BIK: variants seen among roughly 807,000 people sequenced by gnomAD.
BIK encodes BCL2 interacting killer.
BIK carries 14 observed loss-of-function variants against 12.1 expected under a neutral mutation model. That is an observed-to-expected ratio of 1.16 (90% CI 0.77 to 1.81). The LOEUF is 1.81. Ranked by LOEUF, BIK falls within the 40% of genes most tolerant of loss-of-function variation. The probability of loss-of-function intolerance (pLI) is 0.00; values close to 1 mark genes in which losing one functional copy is unlikely to be tolerated. For synonymous variants in BIK, 86 were observed against 92.3 expected (o/e 0.93, Z 0.39); for missense variants, 215 against 207.9 (o/e 1.03, Z -0.21).
chr22:43,118,581 C>A (rs1019147297), intron 1 of BIK, among the ~76,000 whole-genome samples: 1 of 152,136 alleles, frequency 6.6e-6, no homozygotes, highest in African/African-American at 2.4e-5. Context: ...TGCCACCCCA[C>A]CCTCATGGTC....
At chr22:43,127,478 G>A (rs1346073703) in intron 2 of BIK, among the ~76,000 whole-genome samples, 1 of 152,184 alleles carries the variant, frequency 6.6e-6, no homozygotes, top group Non-Finnish European at 1.5e-5. Flanking sequence ...TTGCACCTCT[G>A]GGGCCACCCA....
At chr22:43,113,900 G>A (rs954434972) in intron 1 of BIK, among the ~76,000 whole-genome samples, 1 of 152,216 alleles carries the variant, frequency 6.6e-6, no homozygotes, top group Non-Finnish European at 1.5e-5. Flanking sequence ...CTTACTGTTG[G>A]TGGTCACCAG....
rs4988385 is a variant in BIK, at chr22:43,118,874, G to C, written c.-7-5142G>C. Among the ~76,000 whole-genome samples, 3 of 152,016 alleles carry C rather than the reference G, an allele frequency of 2.0e-5. No individual in the cohort carries two copies. In the East Asian group the frequency reaches 5.8e-4, roughly 29 times the overall value. The stretch of plus-strand genomic sequence containing the variant: ...CCCGCTCTGACACTCCTGCAGCCTC[G>C]GCCCTCGAACACCTGCTGAGGGCTG... On this transcript the variant is annotated intron_variant, in intron 1 of 4. Coordinates refer to ENST00000216115, the MANE Select transcript of BIK (RefSeq NM_001197.5).
At chr22:43,119,990 T>C (rs1432660097) in intron 1 of BIK, among the ~76,000 whole-genome samples, 1 of 152,020 alleles carries the variant, frequency 6.6e-6, no homozygotes, top group Non-Finnish European at 1.5e-5. Context: ...ATAATAAAAT[T>C]TAATTTTTAA....
At chr22:43,117,517 C>T (rs924785399) in intron 1 of BIK, among the ~76,000 whole-genome samples, 14 of 147,052 alleles carry the variant, frequency 9.5e-5, no homozygotes, top group Non-Finnish European at 1.7e-4. Context: ...TACAGGCGCC[C>T]GCCACCACGC....
intron 4 of BIK, 106 bp from the exon 5 acceptor site, chr22:43,129,107 C>T: frequency 6.3e-7 from 1 of 1,582,650 alleles, no homozygotes; most frequent in East Asian, 2.2e-5. Context: ...CGAGCTCCTT[C>T]CCAGTCCCCA....
At chr22:43,118,137 A>G (rs755172326) in intron 1 of BIK, among the ~76,000 whole-genome samples, 5 of 152,012 alleles carry the variant, frequency 3.3e-5, no homozygotes, top group Non-Finnish European at 5.9e-5. Flanking sequence ...TATGGCTTCA[A>G]TTTTTCAAGG....
At chr22:43,119,209 C>G (rs930067732) in intron 1 of BIK, among the ~76,000 whole-genome samples, 1 of 151,786 alleles carries the variant, frequency 6.6e-6, no homozygotes, top group African/African-American at 2.4e-5. Context: ...AGGCTAAGTG[C>G]GGGCTGTAGC....
chr22:43,121,458 G>A (rs1012508456), intron 1 of BIK, among the ~76,000 whole-genome samples: 2 of 152,180 alleles, frequency 1.3e-5, no homozygotes, highest in African/African-American at 4.8e-5. Context: ...CCTATCTGGC[G>A]CCTAAGGATT....
intron 3 of BIK, among the ~76,000 whole-genome samples, chr22:43,128,173 TG>T (rs1458683164): frequency 1.4e-5 from 2 of 147,300 alleles, no homozygotes; most frequent in African/African-American, 2.5e-5. Context: ...GGGAATAGAG[TG>T]GGCAGTGGCT....
intron 1 of BIK, among the ~76,000 whole-genome samples, chr22:43,122,851 C>T (rs1397238390): frequency 6.6e-6 from 1 of 152,164 alleles, no homozygotes; most frequent in Non-Finnish European, 1.5e-5. Context: ...GCAGCTCCAT[C>T]TTTGAAGGAG....
At chr22:43,114,548 G>T (rs541235607) in intron 1 of BIK, among the ~76,000 whole-genome samples, 1 of 152,236 alleles carries the variant, frequency 6.6e-6, no homozygotes, top group Admixed American at 6.5e-5. Flanking sequence ...TGATCCGCCC[G>T]CCTCAGCCTC....
chr22:43,126,414 T>C (rs908541565), intron 2 of BIK, among the ~76,000 whole-genome samples: 3 of 152,096 alleles, frequency 2.0e-5, no homozygotes, highest in Non-Finnish European at 4.4e-5. Context: ...CTCGATCTCC[T>C]GACCTCGTGA....
intron 1 of BIK, among the ~76,000 whole-genome samples, chr22:43,113,877 T>A (rs1435684509): frequency 1.3e-5 from 2 of 152,160 alleles, no homozygotes; most frequent in African/African-American, 2.4e-5. Flanking sequence ...ATGGAGGAAG[T>A]CTCCGCACCA....
At chr22:43,125,336 C>T (rs565842812) in intron 2 of BIK, among the ~76,000 whole-genome samples, 1 of 152,268 alleles carries the variant, frequency 6.6e-6, no homozygotes, top group African/African-American at 2.4e-5. Flanking sequence ...CAGTAGGTCT[C>T]AGCCTTTTGT....
Position 43,124,536 on chromosome 22 carries a change from ACT to A in BIK, c.161+356_161+357del, listed in dbSNP as rs57389707. Among the ~76,000 whole-genome samples the A allele has an allele frequency of 9.6e-3, 1,461 of 152,162 alleles. 12 individuals carry two copies. Among genetic ancestry groups the A allele is most frequent in the African/African-American group, 0.034 (1,396 of 41,508 alleles). ...ACATCAGGGCCTCTTGAAGGAGGTG[ACT>A]CTGTTGCCAGAAAGGGGACCCGATC... On this transcript the variant is annotated intron_variant, in intron 2 of 4. Transcript: ENST00000216115.
Position 43,124,192 on chromosome 22 carries a change from C to A in BIK, c.161+9C>A. The A allele has an allele frequency of 1.2e-6, 2 of 1,613,546 alleles. No individual in the cohort carries two copies. The highest frequency in any genetic ancestry group is 1.3e-5 in the African/African-American group (1 of 75,030). Reference sequence around the variant, plus strand: ...GAATGCATGGAGGGCAGGTAGGTCCCCATGGCCTGCCCTACCCCCTGCCTG... The same window carrying A: ...GAATGCATGGAGGGCAGGTAGGTCCACATGGCCTGCCCTACCCCCTGCCTG... On this transcript the variant is annotated intron_variant, in intron 2 of 4. Transcript: ENST00000216115.
intron 1 of BIK, among the ~76,000 whole-genome samples, chr22:43,112,897 C>A (rs777350542): frequency 6.6e-6 from 1 of 151,486 alleles, no homozygotes; most frequent in Non-Finnish European, 1.5e-5. Context: ...CAGAGTGAGA[C>A]CCTGTCTCAA....
Position 43,128,350 on chromosome 22 carries a change from C to A in BIK, c.261-146C>A. ...ACCACGCGGCCCCTGCAGGTGGAGG[C>A]GCCCACGGAAAGGGCCCCGGGTGGC... On this transcript the variant is annotated intron_variant, in intron 3 of 4. Transcript: ENST00000216115. 5 of 970,954 alleles carry A rather than the reference C, an allele frequency of 5.1e-6. No individual in the cohort carries two copies. In the East Asian group the frequency reaches 7.4e-5, roughly 14 times the overall value. 60.1% of individuals were successfully genotyped at this position (970,954 alleles called of 1,614,324 possible).
Sources: allele counts gnomAD v4.1 joint callset (sites outside exome capture counted in the v4.1 genomes callset), GRCh38; gene constraint gnomAD v4.1.1; transcripts MANE v1.5; gene names NCBI Gene and HGNC (gene_info 2026-07-23, HGNC 2026-07-21).